Variants in STPG2 observed in about 807,000 individuals in gnomAD.
STPG2 encodes the protein sperm tail PG-rich repeat containing 2.
A neutral mutation model predicts 54.2 loss-of-function variants in STPG2; 56 were observed. The ratio of observed to expected loss-of-function variants is 1.03; its 90% CI spans 0.83 to 1.29. The LOEUF is 1.29. Ranked by LOEUF, STPG2 falls within the 50% of genes most tolerant of loss-of-function variation. The pLI, the probability that STPG2 is intolerant of heterozygous loss-of-function variation, is 0.00. For synonymous variants in STPG2, 200 were observed against 181.8 expected (o/e 1.10, Z -0.81); for missense variants, 596 against 544.9 (o/e 1.09, Z -0.93).
At chr4:97,987,627 T>C (rs927345995) in intron 5 of STPG2, among the ~76,000 whole-genome samples, 7 of 152,170 alleles carry the variant, frequency 4.6e-5, no homozygotes, top group African/African-American at 1.7e-4. Flanking sequence ...TCAATTCAAA[T>C]CGTCTGCTTC....
Position 98,067,863 on chromosome 4 carries a change from T to G in STPG2, c.612+38090A>C, listed in dbSNP as rs183482264. 2.9e-3 allele frequency among the ~76,000 whole-genome samples: 442 copies of G among 152,246 alleles called. No individual in the cohort carries two copies. In the Middle Eastern group the frequency reaches 0.031, roughly 11 times the overall value. On this transcript the variant is annotated intron_variant, in intron 5 of 10. Transcript: ENST00000295268. ...TTATTATAAAAAAGAACCCTCTCATTCTTAAGTCTCTGTAGTAAGATATTT... is the reference window on the plus strand; with the variant it reads ...TTATTATAAAAAAGAACCCTCTCATGCTTAAGTCTCTGTAGTAAGATATTT...
chr4:97,956,938 T>C (rs556770585), intron 7 of STPG2, among the ~76,000 whole-genome samples: 151 of 152,082 alleles, frequency 9.9e-4, no homozygotes, highest in Middle Eastern at 3.4e-3. Flanking sequence ...CCTCAAAAAA[T>C]CACATTAGCT....
chr4:98,139,624 TAA>T (rs1740226558), intron 1 of STPG2, among the ~76,000 whole-genome samples: 2 of 151,686 alleles, frequency 1.3e-5, no homozygotes, highest in Non-Finnish European at 1.5e-5. Flanking sequence ...GAGAAATCAC[TAA>T]AGAGATACCT....
At chr4:97,930,672 G>A (rs1218497309) in intron 8 of STPG2, among the ~76,000 whole-genome samples, 6 of 152,058 alleles carry the variant, frequency 3.9e-5, no homozygotes, top group Non-Finnish European at 7.4e-5. Context: ...CTCTTTTTTG[G>A]TTCCATATGA....
intron 5 of STPG2, among the ~76,000 whole-genome samples, chr4:98,096,735 T>C (rs750173297): frequency 7.9e-5 from 12 of 151,828 alleles, no homozygotes; most frequent in Non-Finnish European, 1.3e-4. Flanking sequence ...AGACTAACTA[T>C]GAAAAAGAGA....
intron 9 of STPG2, among the ~76,000 whole-genome samples, chr4:97,749,655 T>C (rs1044033355): frequency 3.0e-4 from 45 of 151,824 alleles, no homozygotes; most frequent in African/African-American, 1.0e-3. Flanking sequence ...TTGTCCTGTG[T>C]ACAGTTATTA....
chr4:97,960,705 A>G (rs1733853416), intron 7 of STPG2, among the ~76,000 whole-genome samples: 1 of 152,144 alleles, frequency 6.6e-6, no homozygotes, highest in African/African-American at 2.4e-5. Context: ...AGACCACAAA[A>G]AACAAATAGA....
At chr4:97,510,599 T>C (rs962539867) in intron 4 of STPG2, among the ~76,000 whole-genome samples, 2 of 151,988 alleles carry the variant, frequency 1.3e-5, no homozygotes, top group African/African-American at 4.8e-5. Flanking sequence ...TGGAAGACAA[T>C]TTTTCCATGG....
intron 8 of STPG2, among the ~76,000 whole-genome samples, chr4:97,853,670 G>C (rs1440759378): frequency 6.6e-6 from 1 of 152,140 alleles, no homozygotes; most frequent in Non-Finnish European, 1.5e-5. Context: ...GAATCAAAAA[G>C]AGATCATCTA....
At chr4:98,082,369 C>G (rs1005756507) in intron 5 of STPG2, among the ~76,000 whole-genome samples, 1 of 147,774 alleles carries the variant, frequency 6.8e-6, no homozygotes, top group Non-Finnish European at 1.5e-5. Flanking sequence ...CATTTCTTAT[C>G]TGGACTATTA....
chr4:97,873,538 A>G (rs1730064093), intron 8 of STPG2, among the ~76,000 whole-genome samples: 1 of 151,538 alleles, frequency 6.6e-6, no homozygotes, highest in South Asian at 2.1e-4. Flanking sequence ...TTTCTCTCAT[A>G]TGTATCTTCT....
chr4:97,574,648 T>C (rs1732679231), intron 10 of STPG2, among the ~76,000 whole-genome samples: 1 of 151,998 alleles, frequency 6.6e-6, no homozygotes, highest in African/African-American at 2.4e-5. Context: ...CCAGGTTTTA[T>C]GGTTTGTTTC....
intron 2 of STPG2, among the ~76,000 whole-genome samples, chr4:98,133,748 A>T (rs184765334): frequency 1.6e-4 from 24 of 152,176 alleles, no homozygotes; most frequent in African/African-American, 5.8e-4. Context: ...CAAGGACTTT[A>T]TCTGAGCCTC....
chr4:97,618,958 T>C (rs1047621534), intron 10 of STPG2, among the ~76,000 whole-genome samples: 4 of 152,176 alleles, frequency 2.6e-5, no homozygotes, highest in Admixed American at 6.5e-5. Flanking sequence ...CAATGATTTA[T>C]TACTAAGTAA....
intron 5 of STPG2, among the ~76,000 whole-genome samples, chr4:97,991,081 C>T (rs1027456172): frequency 7.2e-5 from 11 of 151,948 alleles, no homozygotes; most frequent in East Asian, 5.8e-4. Flanking sequence ...CCCTTTCCCT[C>T]GAGTCCCCGA....
chr4:97,840,783 A>G lies in STPG2; in HGVS notation c.1194T>C (p.Thr398=). 6.2e-7 allele frequency: 1 copy of G among 1,611,188 alleles called. No individual in the cohort carries two copies. The change falls in exon 9 of 11, where the codon ACT becomes ACC. Residue 398 remains threonine, a synonymous_variant. Transcript: ENST00000295268. Reference sequence around the variant, plus strand: ...GACTTCTAGACTTACCTGGCCCATCAGTCACTTTTTCTAGGCACCGAGGAG... The same window carrying G: ...GACTTCTAGACTTACCTGGCCCATCGGTCACTTTTTCTAGGCACCGAGGAG... The part of the protein sequence containing the change: ...SATPRCLEKV[T]DGPGPAAYNP...
At chr4:97,564,757 T>G (rs549544764) in intron 10 of STPG2, among the ~76,000 whole-genome samples, 1 of 152,224 alleles carries the variant, frequency 6.6e-6, no homozygotes, top group East Asian at 1.9e-4. Context: ...TGTTGAATAG[T>G]GGCCCTCACT....
In STPG2 at chr4:97,750,762, GAGAAA is replaced by G. The variant is rs1560513914; in HGVS notation, c.1205-37953_1205-37949del. Among the ~76,000 whole-genome samples the G allele has an allele frequency of 2.0e-5, 3 of 151,754 alleles. No homozygotes were observed. In the South Asian group the frequency reaches 6.2e-4, roughly 31 times the overall value. On this transcript the variant is annotated intron_variant, in intron 9 of 10. Transcript: ENST00000295268. ...AAGAAATCAGCAGAAAAGAAGCAGA[GAGAAA>G]AGAAAAGAAGAGAGACTTAGGATAA...
intron 7 of STPG2, among the ~76,000 whole-genome samples, chr4:97,959,676 A>C (rs2149246953): frequency 6.6e-6 from 1 of 152,138 alleles, no homozygotes; most frequent in African/African-American, 2.4e-5. Context: ...CCCTGAACAA[A>C]CCAATAGTGA....
Sources: allele counts gnomAD v4.1 joint callset (sites outside exome capture counted in the v4.1 genomes callset), GRCh38; gene constraint gnomAD v4.1.1; transcripts MANE v1.5; gene names NCBI Gene and HGNC (gene_info 2026-07-23, HGNC 2026-07-21).